Variants in SKOR2 observed in about 807,000 individuals in gnomAD.
SKOR2 encodes SKI family transcriptional corepressor 2.
SKOR2 carries 47 observed loss-of-function variants against 69.1 expected under a neutral mutation model. That is an observed-to-expected ratio of 0.68 (90% CI 0.54 to 0.87). The LOEUF is 0.87. Ranked by LOEUF, SKOR2 falls within the 40% of genes least tolerant of loss-of-function variation. The pLI, the probability that SKOR2 is intolerant of heterozygous loss-of-function variation, is 0.00. For missense variants in SKOR2, 1,404 were observed against 1,472.2 expected, an observed-to-expected ratio of 0.95 and a Z score of 0.76; for synonymous variants, 717 against 672.6, an observed-to-expected ratio of 1.07 and a Z score of -1.02.
chr18:47,237,598 G>T (rs2064229657), intron 4 of SKOR2, among the ~76,000 whole-genome samples: 1 of 152,044 alleles, frequency 6.6e-6, no homozygotes, highest in African/African-American at 2.4e-5. Flanking sequence ...GGTACAATAT[G>T]AAACTTTTGC....
In SKOR2 at chr18:47,247,908, C is replaced by A. The variant is rs1600051357; in HGVS notation, c.1276G>T (p.Asp426Tyr). The change falls in exon 2 of 9, where the codon GAT becomes TAT. Residue 426 changes from aspartate to tyrosine, a missense_variant. Coordinates refer to ENST00000425639, the MANE Select transcript of SKOR2 (RefSeq NM_001278063.4). This position sits in a 1 kb window ranked among gnomAD's most constrained non-coding sequence, Gnocchi z 6.6. ...AAFSLCHKKE[D>Y]AGAAAEALGG... is the part of the protein sequence containing the mutation. ...AGGGCCTCAGCGGCGGCACCCGCAT[C>A]CTCTTTCTTATGGCACAAGCTGAAG... The A allele has an allele frequency of 7.3e-7, 1 of 1,368,910 alleles. No individual in the cohort carries two copies. The highest frequency in any genetic ancestry group is 9.4e-7 in the Non-Finnish European group (1 of 1,068,424). The allele number at this position is 1,368,910 out of a possible 1,614,324, so 84.8% of individuals were successfully genotyped here.
At position 47,247,963 on chromosome 18, in the gene SKOR2, G is replaced by A; in HGVS notation, c.1221C>T (p.His407=). The change falls in exon 2 of 9, where the codon CAC becomes CAT. Residue 407 remains histidine (H), a synonymous_variant. Transcript: ENST00000425639. The surrounding 1 kb of genome is among the most constrained non-coding windows in gnomAD (Gnocchi z 6.6). ...KFPGCGGLFP[H]PYTFPAAAAA... Reference sequence around the variant, plus strand: ...CGGCCGCGGCAGGGAAGGTGTAGGGGTGCGGGAAGAGCCCGCCGCAGCCCG... The same window carrying A: ...CGGCCGCGGCAGGGAAGGTGTAGGGATGCGGGAAGAGCCCGCCGCAGCCCG... 1 of 1,377,458 alleles carries A rather than the reference G, an allele frequency of 7.3e-7. No individual in the cohort carries two copies. The highest frequency in any genetic ancestry group is 9.3e-7 in the Non-Finnish European group (1 of 1,071,280). The allele number at this position is 1,377,458 out of a possible 1,614,324, so 85.3% of individuals were successfully genotyped here. A position where few individuals can be genotyped will look rare whatever the true frequency, so the allele number is the denominator to read the frequency against.
Position 47,224,619 on chromosome 18 carries a change from A to C in SKOR2, c.2918-4609T>G, listed in dbSNP as rs534742216. Among the ~76,000 whole-genome samples, 210 of 96,728 alleles carry C rather than the reference A, an allele frequency of 2.2e-3. 1 individual carries two copies. Among genetic ancestry groups the C allele is most frequent in the Admixed American group, 4.3e-3 (44 of 10,116 alleles). 63.5% of individuals were successfully genotyped at this position (96,728 alleles called of 152,430 possible). ...ATCTCTATTTTTAAAGAACCATTGA[A>C]CTTTTTTTTTTTTGAGACAGGGTCT... On this transcript the variant is annotated intron_variant, in intron 6 of 8. Coordinates refer to ENST00000425639, the MANE Select transcript of SKOR2 (RefSeq NM_001278063.4).
At chr18:47,220,111 T>C in intron 6 of SKOR2, 101 bp from the exon 7 acceptor site, 1 of 928,086 alleles carries the variant, frequency 1.1e-6, no homozygotes. Flanking sequence ...ACAGCCCCCC[T>C]ACTTTTAAGT....
Position 47,230,507 on chromosome 18 carries a change from C to A in SKOR2, c.2869G>T (p.Glu957Ter). Residue 957 changes from glutamate to a stop codon, truncating the protein, a stop_gained, in exon 6 of 9, where the codon GAA becomes TAA. Coordinates refer to ENST00000425639, the MANE Select transcript of SKOR2 (RefSeq NM_001278063.4). LOFTEE classifies it high-confidence loss of function. ...CCTTTTAACACCTGGAATTCTTGTTCCAGTCGTCTCCGTAAATCTATTTGT... is the reference window on the plus strand; with the variant it reads ...CCTTTTAACACCTGGAATTCTTGTTACAGTCGTCTCCGTAAATCTATTTGT... Reference protein sequence around the residue: ...FEQIDLRRRLEQEFQVLKGNT... With the variant: ...FEQIDLRRRL The A allele has an allele frequency of 6.9e-7, 1 of 1,448,764 alleles. No individual in the cohort carries two copies. The highest frequency in any genetic ancestry group is 2.6e-5 in the East Asian group (1 of 38,472). The allele number at this position is 1,448,764 out of a possible 1,614,324, so 89.7% of individuals were successfully genotyped here. A position where few individuals can be genotyped will look rare whatever the true frequency, so the allele number is the denominator to read the frequency against.
At chr18:47,214,614 A>G (rs1413226474) in intron 7 of SKOR2, among the ~76,000 whole-genome samples, 1 of 152,228 alleles carries the variant, frequency 6.6e-6, no homozygotes, top group Non-Finnish European at 1.5e-5. Flanking sequence ...CACTGATTCC[A>G]GGATGCACTT....
chr18:47,224,256 A>C (rs1468200564), intron 6 of SKOR2, among the ~76,000 whole-genome samples: 1 of 152,130 alleles, frequency 6.6e-6, no homozygotes, highest in Admixed American at 6.5e-5. Flanking sequence ...TTAATTGGAG[A>C]TGGAAAAAAT....
intron 6 of SKOR2, among the ~76,000 whole-genome samples, chr18:47,229,768 G>T (rs1186667144): frequency 6.6e-6 from 1 of 152,082 alleles, no homozygotes; most frequent in Non-Finnish European, 1.5e-5. Context: ...GGATGTATTT[G>T]TCCAGATGTG....
At chr18:47,209,748 G>A (rs2064122362) in intron 8 of SKOR2, among the ~76,000 whole-genome samples, 2 of 152,104 alleles carry the variant, frequency 1.3e-5, no homozygotes, top group African/African-American at 4.8e-5. Flanking sequence ...CAGGGAAGAT[G>A]GGTTGGGGAA....
At chr18:47,242,959 A>T (rs999447089) in intron 4 of SKOR2, among the ~76,000 whole-genome samples, 1 of 152,234 alleles carries the variant, frequency 6.6e-6, no homozygotes, top group Non-Finnish European at 1.5e-5. Context: ...CCATTGCTAC[A>T]TGAAAGTTTT....
intron 6 of SKOR2, among the ~76,000 whole-genome samples, chr18:47,223,998 T>C (rs2064170218): frequency 6.6e-6 from 1 of 151,916 alleles, no homozygotes; most frequent in Admixed American, 6.6e-5. Flanking sequence ...CTCTGCCTCC[T>C]GGGTTCAAGC....
At chr18:47,237,807 C>T (rs1271343489) in intron 4 of SKOR2, among the ~76,000 whole-genome samples, 1 of 151,808 alleles carries the variant, frequency 6.6e-6, no homozygotes, top group Admixed American at 6.6e-5. Context: ...TGCGATCCTC[C>T]CACTTCAGCC....
chr18:47,220,873 T>C (rs2064159095), intron 6 of SKOR2, among the ~76,000 whole-genome samples: 1 of 152,102 alleles, frequency 6.6e-6, no homozygotes, highest in African/African-American at 2.4e-5. Flanking sequence ...ACTTCATCAT[T>C]ATCTTTTCTT....
chr18:47,226,004 A>G (rs1404968480), intron 6 of SKOR2, among the ~76,000 whole-genome samples: 1 of 152,136 alleles, frequency 6.6e-6, no homozygotes, highest in African/African-American at 2.4e-5. Flanking sequence ...CAGGGCTAAG[A>G]GCAGCAGGCA....
At chr18:47,225,670 A>G (rs2137288) in intron 6 of SKOR2, among the ~76,000 whole-genome samples, 99,556 of 151,960 alleles carry the variant, frequency 0.66, 33,487 homozygotes, top group African/African-American at 0.83. Flanking sequence ...AATCGTGCCT[A>G]CTGCAAGAGT....
In SKOR2 at chr18:47,248,246, T is replaced by G; in HGVS notation, c.938A>C (p.Asp313Ala). The G allele has an allele frequency of 8.2e-7, 1 of 1,222,844 alleles. No individual in the cohort carries two copies. The highest frequency in any genetic ancestry group is 3.9e-5 in the South Asian group (1 of 25,672). 75.7% of individuals were successfully genotyped at this position (1,222,844 alleles called of 1,614,324 possible). ...GGCCTCCTGCAAGGAGTCGTCGTCG[T>G]CGTCGAAGCGCGGCCGCTTGTGATG... Reference protein sequence around the residue: ...HAHHKRPRFDDDDDSLQEAAV... With the variant: ...HAHHKRPRFDADDDSLQEAAV... Residue 313 changes from aspartate to alanine, a missense_variant, in exon 2 of 9, where the codon GAC (aspartate) becomes GCC (alanine). Asp to Ala is a moderately radical substitution (Grantham distance 126). Transcript: ENST00000425639. The surrounding 1 kb of genome is among the most constrained non-coding windows in gnomAD (Gnocchi z 6.4).
intron 6 of SKOR2, among the ~76,000 whole-genome samples, chr18:47,228,130 C>T (rs1267883959): frequency 3.9e-5 from 6 of 152,216 alleles, no homozygotes; most frequent in Admixed American, 2.6e-4. Context: ...CCTCACGGCC[C>T]CTCACATTTA....
In SKOR2 at chr18:47,248,059, T is replaced by C. The variant is rs1409891879; in HGVS notation, c.1125A>G (p.Lys375=). 1 of 1,424,886 alleles carries C rather than the reference T, an allele frequency of 7.0e-7. No homozygotes were observed. Among genetic ancestry groups the C allele is most frequent in the Non-Finnish European group, 9.2e-7 (1 of 1,089,706 alleles). 88.3% of individuals were successfully genotyped at this position (1,424,886 alleles called of 1,614,324 possible). A position where few individuals can be genotyped will look rare whatever the true frequency, so the allele number is the denominator to read the frequency against. The change falls in exon 2 of 9, where the codon AAA becomes AAG. Residue 375 remains lysine (K), a synonymous_variant. Coordinates refer to ENST00000425639, the MANE Select transcript of SKOR2 (RefSeq NM_001278063.4). This position sits in a 1 kb window ranked among gnomAD's most constrained non-coding sequence, Gnocchi z 6.4. ...GGATGACTGGGTAGCTGCGCGGGCC[T>C]TTGGCCCCTGCCCCGGCACCCGCCC... ...GAGAGAGAGA[K]GPRSYPVIPV...
chr18:47,231,071 C>CT, intron 4 of SKOR2, 71 bp from the exon 5 acceptor site: 1 of 1,534,718 alleles, frequency 6.5e-7, no homozygotes, highest in East Asian at 2.4e-5. Flanking sequence ...TTTACATTTT[C>CT]TTTTAATATC....
Sources: gnomAD v4.1 joint callset for allele counts (sites outside exome capture counted in the v4.1 genomes callset) on GRCh38, gnomAD v4.1.1 for gene constraint, Gnocchi (gnomAD v3.1) non-coding constraint, MANE v1.5 for transcripts, NCBI Gene and HGNC (gene_info 2026-07-23, HGNC 2026-07-21) for gene names.